The following ARHGEF17 variants were observed in gnomAD, a reference collection of about 807,000 sequenced individuals.
ARHGEF17 encodes the protein Rho guanine nucleotide exchange factor 17.
In ARHGEF17, 80 loss-of-function variants were observed where a neutral mutation model predicts 174.0. That is an observed-to-expected ratio of 0.46 (90% CI 0.38 to 0.55). The LOEUF (loss-of-function observed/expected upper bound fraction) is 0.55. Among genes scored for constraint, ARHGEF17 ranks in the 20% least tolerant of loss-of-function variants. ARHGEF17 has a pLI of 0.00. For synonymous variants in ARHGEF17, 1,311 were observed against 1,189.1 expected, an observed-to-expected ratio of 1.10 and a Z score of -2.11; for missense variants, 2,886 against 2,839.7, an observed-to-expected ratio of 1.02 and a Z score of -0.37.
At chr11:73,338,115 C>T (rs1037997629) in intron 1 of ARHGEF17, among the ~76,000 whole-genome samples, 2 of 152,142 alleles carry the variant, frequency 1.3e-5, no homozygotes, top group African/African-American at 2.4e-5. Flanking sequence ...TGAGAGGCTC[C>T]TCTTTCCAGA....
intron 1 of ARHGEF17, among the ~76,000 whole-genome samples, chr11:73,312,683 A>G (rs942369635): frequency 6.6e-6 from 1 of 151,868 alleles, no homozygotes; most frequent in Non-Finnish European, 1.5e-5. Flanking sequence ...TAGAGAGGTC[A>G]GGAGTGGTTC....
chr11:73,312,493 CTA>C (rs1171053324), intron 1 of ARHGEF17, among the ~76,000 whole-genome samples: 1 of 152,132 alleles, frequency 6.6e-6, no homozygotes, highest in Admixed American at 6.5e-5. Flanking sequence ...AAACTAGTGC[CTA>C]TGTTTCCATC....
At chr11:73,321,980 G>C (rs565115805) in intron 1 of ARHGEF17, among the ~76,000 whole-genome samples, 15 of 152,154 alleles carry the variant, frequency 9.9e-5, no homozygotes, top group African/African-American at 3.1e-4. Flanking sequence ...AGCAGGAAGC[G>C]GGGAGGCAGA....
chr11:73,324,286 AC>A (rs1383881871), intron 1 of ARHGEF17, among the ~76,000 whole-genome samples: 2 of 152,058 alleles, frequency 1.3e-5, no homozygotes, highest in Non-Finnish European at 2.9e-5. Context: ...GGGTGGATCC[AC>A]CCATGCCAAG....
In ARHGEF17 at chr11:73,365,490, G is replaced by A; in HGVS notation, c.5651G>A (p.Cys1884Tyr). 1 of 1,614,080 alleles carries A rather than the reference G, an allele frequency of 6.2e-7. No individual in the cohort carries two copies. The highest frequency in any genetic ancestry group is 1.1e-5 in the South Asian group (1 of 91,078). Residue 1884 changes from cysteine to tyrosine, a missense_variant, in exon 19 of 21, where the codon TGT becomes TAT. Cys to Tyr is a radical substitution (Grantham distance 194, BLOSUM62 -2). This residue lies in a region of ARHGEF17 where 329 missense variants were observed against 435.2 expected (regional missense o/e 0.76). Coordinates refer to ENST00000263674, the MANE Select transcript of ARHGEF17 (RefSeq NM_014786.4). This position sits in a 1 kb window ranked among gnomAD's most constrained non-coding sequence, Gnocchi z 4.9. ...ACATTGAAAGGTAGTGCCCACGTGT[G>A]TCTCTACCATCCAGACACCTTTGAG... ...WVTLKGSAHV[C>Y]LYHPDTFEQL...
In ARHGEF17 at chr11:73,367,620, C is replaced by T. The variant is rs1167360938; in HGVS notation, c.6032C>T (p.Ser2011Phe). The T allele has an allele frequency of 6.2e-7, 1 of 1,613,870 alleles. No homozygotes were observed. Among genetic ancestry groups the T allele is most frequent in the African/African-American group, 1.3e-5 (1 of 75,054 alleles). Reference protein sequence around the residue: ...EKLPSLEHRDSPWHRGPAPAR... With the variant: ...EKLPSLEHRDFPWHRGPAPAR... Reference sequence around the variant, plus strand: ...CTGCCATCACTGGAGCACCGGGACTCCCCTTGGCACCGAGGCCCCGCCCCT... The same window carrying T: ...CTGCCATCACTGGAGCACCGGGACTTCCCTTGGCACCGAGGCCCCGCCCCT... Residue 2011 changes from serine to phenylalanine, a missense_variant, in exon 21 of 21, where the codon TCC (serine) becomes TTC (phenylalanine). Physicochemically the swap from Ser to Phe is radical, Grantham distance 155. Coordinates refer to ENST00000263674, the MANE Select transcript of ARHGEF17 (RefSeq NM_014786.4).
At position 73,309,244 on chromosome 11, in the gene ARHGEF17, G is replaced by T; in HGVS notation, c.606G>T (p.Gln202His). Residue 202 changes from glutamine to histidine, a missense_variant, in exon 1 of 21, where the codon CAG (glutamine) becomes CAT (histidine). Transcript: ENST00000263674. ...ETEGRLRRPQ[Q>H]QQERAQRPAD... ...AAGGGAGGCTGCGCCGGCCGCAGCA[G>T]CAACAGGAGCGGGCGCAGCGTCCAG... The T allele has an allele frequency of 6.2e-7, 1 of 1,605,704 alleles. No homozygotes were observed. Among genetic ancestry groups the T allele is most frequent in the Non-Finnish European group, 8.5e-7 (1 of 1,176,356 alleles).
chr11:73,309,493 C>A lies in ARHGEF17; in HGVS notation c.855C>A (p.Gly285=). The A allele has an allele frequency of 1.3e-6, 2 of 1,548,188 alleles. No individual in the cohort carries two copies. The highest frequency in any genetic ancestry group is 1.7e-6 in the Non-Finnish European group (2 of 1,145,416). Residue 285 remains glycine, a synonymous_variant, in exon 1 of 21, where the codon GGC becomes GGA. Transcript: ENST00000263674. The stretch of plus-strand genomic sequence containing the variant: ...GTGACGACGACCGAGACGGTGAGGG[C>A]GGCCACCGCTGGGGAGGGAGGCCCG... ...SGSDDDRDGE[G]GHRWGGRPGL... is the part of the protein sequence containing the mutation.
intron 9 of ARHGEF17, among the ~76,000 whole-genome samples, chr11:73,358,746 G>C (rs1209268683): frequency 6.6e-6 from 1 of 151,730 alleles, no homozygotes; most frequent in African/African-American, 2.4e-5. Flanking sequence ...TTACAGGCGT[G>C]AGCCAACACG....
In ARHGEF17 at chr11:73,365,200, AG is replaced by A; in HGVS notation, c.5551-189del. 3.2e-6 allele frequency: 2 copies of A among 623,778 alleles called. No homozygotes were observed. The highest frequency in any genetic ancestry group is 2.8e-6 in the Non-Finnish European group (1 of 360,114). The allele number at this position is 623,778 out of a possible 1,614,324, so 38.6% of individuals were successfully genotyped here. A position where few individuals can be genotyped will look rare whatever the true frequency, so the allele number is the denominator to read the frequency against. On this transcript the variant is annotated intron_variant, in intron 18 of 20. Coordinates refer to ENST00000263674, the MANE Select transcript of ARHGEF17 (RefSeq NM_014786.4). This position sits in a 1 kb window ranked among gnomAD's most constrained non-coding sequence, Gnocchi z 4.9. ...AATCACTCAAGTTTAATGGGGAAAA[AG>A]CACCTCCATTGTAATTCCTGAGAAC...
At chr11:73,335,503 T>C (rs1865272116) in intron 1 of ARHGEF17, among the ~76,000 whole-genome samples, 1 of 151,986 alleles carries the variant, frequency 6.6e-6, no homozygotes, top group South Asian at 2.1e-4. Context: ...AGCTGTATCT[T>C]CTTGAAATTG....
rs78029990 is a variant in ARHGEF17, at chr11:73,319,420, A to G, written c.3192+7590A>G. On this transcript the variant is annotated intron_variant, in intron 1 of 20. Transcript: ENST00000263674. ...ATTGTGTTCTTAAAGCCTACCTGAT[A>G]ATTTGATAATCTTCCCATCTCAGAA... 3.9e-5 allele frequency among the ~76,000 whole-genome samples: 6 copies of G among 152,252 alleles called. No homozygotes were observed. The East Asian group carries it at 9.6e-4, about 24-fold the overall frequency.
intron 1 of ARHGEF17, among the ~76,000 whole-genome samples, chr11:73,336,554 C>A (rs776665089): frequency 1.1e-4 from 17 of 152,240 alleles, no homozygotes; most frequent in African/African-American, 1.7e-4. Context: ...GGGACAGTTT[C>A]TGGAAGGAGT....
Position 73,365,945 on chromosome 11 carries a change from C to G in ARHGEF17, c.5993C>G (p.Thr1998Arg), listed in dbSNP as rs1865830580. The G allele has an allele frequency of 6.3e-7, 1 of 1,599,992 alleles. No homozygotes were observed. Among genetic ancestry groups the G allele is most frequent in the African/African-American group, 1.3e-5 (1 of 74,898 alleles). The change falls in exon 20 of 21, where the codon ACA becomes AGA. Residue 1998 changes from threonine (T) to arginine (R), a missense_variant and splice_region_variant. By Grantham distance (71) the Thr-to-Arg change is moderately conservative. This residue lies in a region of ARHGEF17 where 329 missense variants were observed against 435.2 expected (regional missense o/e 0.76). Transcript: ENST00000263674. The surrounding 1 kb of genome is among the most constrained non-coding windows in gnomAD (Gnocchi z 4.9). ...CCAACCCCACCACCTCCCCCAGACA[C>G]AGGTGGGTCAGTGCATCATACCCCA... is the stretch of plus-strand genomic sequence containing the variant. ...LCPTPPPPPD[T>R]GPEKLPSLEH...
intron 16 of ARHGEF17, 74 bp downstream of exon 16, chr11:73,363,907 G>T: frequency 1.4e-6 from 2 of 1,471,230 alleles, no homozygotes; most frequent in Non-Finnish European, 1.9e-6. Context: ...TGTTCATCTG[G>T]TCCCCCTGCT....
rs1864751203 is a variant in ARHGEF17, at chr11:73,309,083, G to A, written c.445G>A (p.Gly149Arg). 6.5e-7 allele frequency: 1 copy of A among 1,531,416 alleles called. No homozygotes were observed. The highest frequency in any genetic ancestry group is 8.7e-7 in the Non-Finnish European group (1 of 1,143,778). 94.9% of individuals were successfully genotyped at this position (1,531,416 alleles called of 1,614,324 possible). Reference sequence around the variant, plus strand: ...GCCCAGCGCCGACTCTGAATCCCCAGGAACGCCCAGCCCCGACGGTGCCGC... The same window carrying A: ...GCCCAGCGCCGACTCTGAATCCCCAAGAACGCCCAGCCCCGACGGTGCCGC... ...RRPSADSESP[G>R]TPSPDGAAWE... is the part of the protein sequence containing the mutation. Residue 149 changes from glycine to arginine, a missense_variant, in exon 1 of 21, where the codon GGA becomes AGA. Coordinates refer to ENST00000263674, the MANE Select transcript of ARHGEF17 (RefSeq NM_014786.4).
At chr11:73,353,327 C>G in intron 3 of ARHGEF17, 1 of 400,250 alleles carries the variant, frequency 2.5e-6, no homozygotes, top group Non-Finnish European at 4.7e-6. Context: ...CAAGCTGGTG[C>G]GGACGCTGAC....
intron 1 of ARHGEF17, among the ~76,000 whole-genome samples, chr11:73,337,490 C>A (rs780380681): frequency 6.6e-6 from 1 of 152,022 alleles, no homozygotes; most frequent in East Asian, 1.9e-4. Context: ...AGGAAAACAG[C>A]TCATTGTAGC....
intron 1 of ARHGEF17, among the ~76,000 whole-genome samples, chr11:73,320,094 C>G (rs2135789838): frequency 6.6e-6 from 1 of 152,292 alleles, no homozygotes; most frequent in Admixed American, 6.5e-5. Context: ...ACCCCATGTT[C>G]TGGGAGCTCC....
Sources: gnomAD v4.1 joint callset for allele counts (sites outside exome capture counted in the v4.1 genomes callset) on GRCh38, gnomAD v4.1.1 for gene constraint, gnomAD v4.1.1 regional missense constraint, Gnocchi (gnomAD v3.1) non-coding constraint, MANE v1.5 for transcripts, NCBI Gene and HGNC (gene_info 2026-07-23, HGNC 2026-07-21) for gene names.